TEAD4: variants seen among roughly 807,000 people sequenced by gnomAD.
TEAD4 encodes transcriptional enhancer factor TEF-3.
In TEAD4, 36 loss-of-function variants were observed where a neutral mutation model predicts 52.4. The ratio of observed to expected loss-of-function variants is 0.69; its 90% CI spans 0.53 to 0.91. The LOEUF is 0.91. Ranked by LOEUF, TEAD4 falls within the 40% of genes least tolerant of loss-of-function variation. The probability of loss-of-function intolerance (pLI) is 0.00; values close to 1 mark genes in which losing one functional copy is unlikely to be tolerated. For synonymous variants in TEAD4, 220 were observed against 231.0 expected, an observed-to-expected ratio of 0.95 and a Z score of 0.43; for missense variants, 508 against 583.9, an observed-to-expected ratio of 0.87 and a Z score of 1.34.
intron 5 of TEAD4, among the ~76,000 whole-genome samples, chr12:3,015,882 TA>T (rs997924627): frequency 8.0e-5 from 12 of 150,780 alleles, no homozygotes; most frequent in African/African-American, 2.9e-4. Context: ...TCTTTGTCAT[TA>T]AAAAAAAATT....
At chr12:3,019,019 C>G in intron 7 of TEAD4, 96 bp from the exon 8 acceptor site, 1 of 1,481,232 alleles carries the variant, frequency 6.8e-7, no homozygotes, top group Admixed American at 1.7e-5. Context: ...AAATCCAGAC[C>G]ACCAGGACCT....
intron 2 of TEAD4, among the ~76,000 whole-genome samples, chr12:2,963,116 G>A (rs940764607): frequency 9.9e-5 from 15 of 152,124 alleles, no homozygotes; most frequent in Admixed American, 7.2e-4. Context: ...AGGGGCCCTC[G>A]GGTCTTTAAA....
At position 3,040,459 on chromosome 12, in the gene TEAD4, A is replaced by G. The variant is rs2098282080; in HGVS notation, c.1286A>G (p.Tyr429Cys). Residue 429 changes from tyrosine (Y) to cysteine (C), a missense_variant, in exon 13 of 13, where the codon TAC becomes TGC. Transcript: ENST00000359864. ...GAGCACGGGGCTCAGCACCACATCT[A>G]CAGGCTGGTGAAAGAATGAGAGACT... 2.5e-6 allele frequency: 4 copies of G among 1,613,898 alleles called. No homozygotes were observed. The highest frequency in any genetic ancestry group is 3.4e-6 in the Non-Finnish European group (4 of 1,179,998).
intron 2 of TEAD4, among the ~76,000 whole-genome samples, chr12:2,988,212 C>T (rs2098240192): frequency 6.6e-6 from 1 of 151,958 alleles, no homozygotes; most frequent in South Asian, 2.1e-4. Context: ...TATTATGACA[C>T]TGTGAAATAC....
chr12:2,985,585 A>G (rs776809293), intron 2 of TEAD4, among the ~76,000 whole-genome samples: 23 of 127,046 alleles, frequency 1.8e-4, no homozygotes, highest in Non-Finnish European at 3.5e-4. Flanking sequence ...GGCTCACTGC[A>G]ACCTCCGCCT....
chr12:2,993,338 TA>T (rs893237776), intron 2 of TEAD4, among the ~76,000 whole-genome samples: 1 of 152,100 alleles, frequency 6.6e-6, no homozygotes, highest in Admixed American at 6.5e-5. Flanking sequence ...GAACATTTTG[TA>T]AAAAAAATTT....
intron 5 of TEAD4, chr12:3,016,981 A>G (rs1454241321): frequency 2.1e-5 from 9 of 421,790 alleles, no homozygotes. Flanking sequence ...TCTTGCCTCC[A>G]GACAGCCCGT....
At chr12:2,985,321 C>G (rs1429398020) in intron 2 of TEAD4, among the ~76,000 whole-genome samples, 3 of 151,398 alleles carry the variant, frequency 2.0e-5, no homozygotes, top group Non-Finnish European at 4.4e-5. Context: ...GGAGGTGGAG[C>G]TTGCAGTGAG....
chr12:3,018,450 A>G lies in TEAD4; in HGVS notation c.484-95A>G, dbSNP rs112394026. On this transcript the variant is annotated intron_variant, in intron 6 of 12. Coordinates refer to ENST00000359864, the MANE Select transcript of TEAD4 (RefSeq NM_003213.4). The stretch of plus-strand genomic sequence containing the variant: ...GCCTCGGGCTCCAGCCTCTCCTCCC[A>G]GTGGAGGCCCTGCCCGGTCCTACCC... The G allele has an allele frequency of 5.2e-3, 7,569 of 1,453,246 alleles. 284 individuals are homozygous for G. The African/African-American group carries it at 0.086, about 16-fold the overall frequency. The allele number at this position is 1,453,246 out of a possible 1,614,324, so 90.0% of individuals were successfully genotyped here. A position where few individuals can be genotyped will look rare whatever the true frequency, so the allele number is the denominator to read the frequency against.
intron 10 of TEAD4, among the ~76,000 whole-genome samples, chr12:3,034,330 A>G (rs1461186262): frequency 6.6e-6 from 1 of 152,232 alleles, no homozygotes; most frequent in East Asian, 1.9e-4. Flanking sequence ...TGCTCTTCCC[A>G]CTGGTGCCAC....
intron 5 of TEAD4, among the ~76,000 whole-genome samples, chr12:3,016,427 G>A (rs768158224): frequency 3.9e-5 from 6 of 151,960 alleles, no homozygotes; most frequent in African/African-American, 1.2e-4. Context: ...GTTCCAGCCC[G>A]TGTGTGTGTG....
intron 2 of TEAD4, among the ~76,000 whole-genome samples, chr12:2,961,915 G>A (rs959267276): frequency 1.3e-5 from 2 of 151,990 alleles, no homozygotes; most frequent in African/African-American, 4.8e-5. Context: ...GCTGTGTTCC[G>A]CGTCCTTAGG....
chr12:3,027,971 C>G (rs2098273051), intron 10 of TEAD4, among the ~76,000 whole-genome samples: 2 of 152,214 alleles, frequency 1.3e-5, no homozygotes, highest in Non-Finnish European at 1.5e-5. Flanking sequence ...AAAATAAGCC[C>G]TGTTCCCTTT....
chr12:2,960,689 CAG>C (rs1369147938), intron 2 of TEAD4, among the ~76,000 whole-genome samples: 1 of 152,162 alleles, frequency 6.6e-6, no homozygotes, highest in Non-Finnish European at 1.5e-5. Context: ...ACGTGAGTGA[CAG>C]AGTGTGTGTA....
At chr12:3,020,602 C>T (rs758786000) in intron 8 of TEAD4, 32 bp from the exon 9 acceptor site, 6 of 1,501,804 alleles carry the variant, frequency 4.0e-6, no homozygotes, top group South Asian at 1.4e-5. Context: ...TGTCCGTGAC[C>T]AGGTTCCATG....
At chr12:3,002,459 C>T (rs2098252482) in intron 3 of TEAD4, among the ~76,000 whole-genome samples, 1 of 152,236 alleles carries the variant, frequency 6.6e-6, no homozygotes, top group Non-Finnish European at 1.5e-5. Context: ...TATCAGTTTA[C>T]ATTCCCGCCA....
At chr12:2,983,341 C>T (rs922752553) in intron 2 of TEAD4, among the ~76,000 whole-genome samples, 13 of 152,224 alleles carry the variant, frequency 8.5e-5, no homozygotes, top group South Asian at 4.1e-4. Context: ...GACAGCCTTC[C>T]GGGATGGATC....
chr12:3,027,600 C>T (rs992220359), intron 10 of TEAD4, among the ~76,000 whole-genome samples: 1 of 152,198 alleles, frequency 6.6e-6, no homozygotes, highest in Non-Finnish European at 1.5e-5. Flanking sequence ...GGCGTGATGG[C>T]ATGTGCCAGT....
At chr12:2,986,124 G>T (rs1265520703) in intron 2 of TEAD4, among the ~76,000 whole-genome samples, 1 of 151,936 alleles carries the variant, frequency 6.6e-6, no homozygotes, top group Admixed American at 6.6e-5. Flanking sequence ...TAAAAACAGA[G>T]ACAAACGCAC....
Sources: allele counts gnomAD v4.1 joint callset (sites outside exome capture counted in the v4.1 genomes callset), GRCh38; gene constraint gnomAD v4.1.1; transcripts MANE v1.5; gene names NCBI Gene and HGNC (gene_info 2026-07-23, HGNC 2026-07-21).